Variants in FAM120A observed in about 807,000 individuals in gnomAD.
The protein encoded by FAM120A is constitutive coactivator of PPAR-gamma-like protein 1.
A neutral mutation model predicts 109.7 loss-of-function variants in FAM120A; 15 were observed. The observed-to-expected ratio is 0.14, with a 90% confidence interval of 0.09 to 0.21. The LOEUF is 0.21. Among genes scored for constraint, FAM120A ranks in the 10% least tolerant of loss-of-function variants. The probability of loss-of-function intolerance (pLI) is 1.00; values close to 1 mark genes in which losing one functional copy is unlikely to be tolerated. For synonymous variants in FAM120A, 493 were observed against 572.8 expected, an observed-to-expected ratio of 0.86 and a Z score of 1.99; for missense variants, 899 against 1,439.3, an observed-to-expected ratio of 0.62 and a Z score of 6.07.
chr9:93,551,281 T>C (rs1862086570), intron 12 of FAM120A, among the ~76,000 whole-genome samples: 1 of 152,206 alleles, frequency 6.6e-6, no homozygotes, highest in South Asian at 2.1e-4. Flanking sequence ...TCTTTAATTG[T>C]TTTGACAATA....
chr9:93,458,465 C>T (rs937135846), intron 1 of FAM120A, among the ~76,000 whole-genome samples: 2 of 152,118 alleles, frequency 1.3e-5, no homozygotes, highest in Non-Finnish European at 2.9e-5. Flanking sequence ...CTCCCAGTCC[C>T]TAGAATAATG....
At chr9:93,527,712 C>T (rs1861150789) in intron 8 of FAM120A, among the ~76,000 whole-genome samples, 1 of 149,118 alleles carries the variant, frequency 6.7e-6, no homozygotes, top group Non-Finnish European at 1.5e-5. Flanking sequence ...AACCTCTGCC[C>T]CCTGGGTTCA....
intron 3 of FAM120A, among the ~76,000 whole-genome samples, chr9:93,479,090 ATTTTTTTTTT>A (rs11296612): frequency 1.2e-5 from 1 of 81,636 alleles, no homozygotes; most frequent in African/African-American, 5.3e-5. Flanking sequence ...AGGGTATTGC[ATTTTTTTTTT>A]TTTTTTTTTT....
At position 93,497,609 on chromosome 9, in the gene FAM120A, A is replaced by C. The variant is rs373911735; in HGVS notation, c.933+10A>C. The C allele has an allele frequency of 4.9e-5, 78 of 1,591,146 alleles. No individual in the cohort carries two copies. The highest frequency in any genetic ancestry group is 9.2e-5 in the South Asian group (8 of 87,374). ...TTTCCAGCATTCACAGGTAAAAAAA[A>C]AAACAAACAAAACAAAAAAACAGAT... On this transcript the variant is annotated intron_variant, in intron 4 of 17. Coordinates refer to ENST00000277165, the MANE Select transcript of FAM120A (RefSeq NM_014612.5).
intron 8 of FAM120A, among the ~76,000 whole-genome samples, chr9:93,528,690 A>G (rs1406495333): frequency 2.0e-5 from 3 of 152,188 alleles, no homozygotes; most frequent in Non-Finnish European, 4.4e-5. Flanking sequence ...GATCTGAGAC[A>G]TTGTTTTTAA....
chr9:93,519,432 G>T (rs1403176690), intron 7 of FAM120A, among the ~76,000 whole-genome samples: 8 of 152,036 alleles, frequency 5.3e-5, no homozygotes, highest in African/African-American at 1.2e-4. Context: ...TAGTAGAGAT[G>T]AGGTTTCACC....
intron 14 of FAM120A, 111 bp from the exon 15 acceptor site, chr9:93,558,470 C>T: frequency 7.4e-7 from 1 of 1,359,692 alleles, no homozygotes; most frequent in Non-Finnish European, 1.0e-6. Flanking sequence ...GGCCAGGAGA[C>T]CCCTCCATGG....
intron 8 of FAM120A, 42 bp from the exon 9 acceptor site, chr9:93,529,311 G>A: frequency 6.6e-7 from 1 of 1,505,706 alleles, no homozygotes; most frequent in Non-Finnish European, 9.0e-7. Flanking sequence ...ATGAAAACAT[G>A]ACATACACTC....
chr9:93,472,582 A>G (rs1215537107), intron 2 of FAM120A, among the ~76,000 whole-genome samples: 5 of 152,212 alleles, frequency 3.3e-5, no homozygotes, highest in African/African-American at 1.2e-4. Flanking sequence ...CTTGCAGTAT[A>G]TATTCTATAG....
At chr9:93,552,176 C>T (rs1862124495) in intron 12 of FAM120A, among the ~76,000 whole-genome samples, 1 of 152,172 alleles carries the variant, frequency 6.6e-6, no homozygotes, top group Admixed American at 6.5e-5. Flanking sequence ...GCCCACTAAG[C>T]CTTATTCACC....
At chr9:93,552,475 C>T (rs751864952) in intron 12 of FAM120A, among the ~76,000 whole-genome samples, 9 of 152,124 alleles carry the variant, frequency 5.9e-5, no homozygotes, top group African/African-American at 1.2e-4. Flanking sequence ...TAAGAGCAGC[C>T]TACACCTGTA....
intron 7 of FAM120A, among the ~76,000 whole-genome samples, chr9:93,521,370 A>G (rs1321954188): frequency 6.6e-6 from 1 of 152,164 alleles, no homozygotes; most frequent in East Asian, 1.9e-4. Flanking sequence ...TAATCCCCAC[A>G]CTTTGAGAGG....
intron 10 of FAM120A, among the ~76,000 whole-genome samples, chr9:93,538,788 A>G (rs1588895046): frequency 6.6e-6 from 1 of 152,364 alleles, no homozygotes; most frequent in East Asian, 1.9e-4. Context: ...TCCCAAAGTC[A>G]GCATTATAAC....
chr9:93,523,367 G>C, intron 7 of FAM120A: 1 of 1,272,876 alleles, frequency 7.9e-7, no homozygotes, highest in Non-Finnish European at 1.0e-6. Context: ...GGCATGGGTA[G>C]GTAGGCCTGG....
chr9:93,558,445 T>C, intron 14 of FAM120A, 136 bp from the exon 15 acceptor site: 1 of 1,083,052 alleles, frequency 9.2e-7, no homozygotes, highest in Non-Finnish European at 1.3e-6. Flanking sequence ...CACAGGACAG[T>C]GAGGTGACAA....
intron 1 of FAM120A, among the ~76,000 whole-genome samples, chr9:93,455,690 T>A (rs1857521433): frequency 1.3e-5 from 2 of 151,290 alleles, no homozygotes; most frequent in African/African-American, 4.9e-5. Context: ...TGAGATGGAG[T>A]CTCACTCTGT....
intron 3 of FAM120A, among the ~76,000 whole-genome samples, chr9:93,491,167 G>T (rs1430909529): frequency 6.6e-6 from 1 of 152,198 alleles, no homozygotes; most frequent in African/African-American, 2.4e-5. Flanking sequence ...TGGGGAACAG[G>T]CCCAGTAGTG....
Position 93,556,385 on chromosome 9 carries a change from G to C in FAM120A, c.2278G>C (p.Glu760Gln), listed in dbSNP as rs779818675. ...AATTACTCTTTTCAATTTAAAGATT[G>C]AGAACCTAGATCCCCGAGGAATTCA... Reference protein sequence around the residue: ...EPDQLQELKIENLDPRGIQLS... With the variant: ...EPDQLQELKIQNLDPRGIQLS... Residue 760 changes from glutamate to glutamine, a missense_variant, in exon 13 of 18, where the codon GAG becomes CAG. Glu to Gln is a conservative substitution (Grantham distance 29, BLOSUM62 2). Transcript: ENST00000277165. 1.9e-6 allele frequency: 3 copies of C among 1,613,312 alleles called. No individual in the cohort carries two copies.
chr9:93,554,512 A>G (rs1240310105), intron 12 of FAM120A, among the ~76,000 whole-genome samples: 1 of 152,114 alleles, frequency 6.6e-6, no homozygotes, highest in African/African-American at 2.4e-5. Flanking sequence ...GACTCTACTA[A>G]AAGTACAAAA....
Sources: gnomAD v4.1 joint callset for allele counts (sites outside exome capture counted in the v4.1 genomes callset) on GRCh38, gnomAD v4.1.1 for gene constraint, MANE v1.5 for transcripts, NCBI Gene and HGNC (gene_info 2026-07-23, HGNC 2026-07-21) for gene names.